Variants in SMG9 observed in about 807,000 individuals in gnomAD.
The protein encoded by SMG9 is nonsense-mediated mRNA decay factor SMG9.
SMG9 carries 55 observed loss-of-function variants against 64.0 expected under a neutral mutation model. That is an observed-to-expected ratio of 0.86 (90% CI 0.69 to 1.08). The LOEUF (loss-of-function observed/expected upper bound fraction) is 1.08. Ranked by LOEUF, SMG9 falls within the 50% of genes least tolerant of loss-of-function variation. SMG9 has a pLI of 0.00. For missense variants in SMG9, 554 were observed against 681.3 expected (o/e 0.81, Z 2.08); for synonymous variants, 244 against 254.8 (o/e 0.96, Z 0.41).
intron 1 of SMG9, among the ~76,000 whole-genome samples, chr19:43,753,712 C>T (rs1270184527): frequency 6.6e-6 from 1 of 151,948 alleles, no homozygotes; most frequent in Non-Finnish European, 1.5e-5. Flanking sequence ...TCGCCAGCCT[C>T]GGTCTCCCAA....
chr19:43,728,989 CAGCAGTATATCT>C lies in SMG9; in HGVS notation c.*2595_*2606del. On this transcript the variant is annotated 3_prime_UTR_variant, in exon 14 of 14. Transcript: ENST00000270066. The stretch of plus-strand genomic sequence containing the variant: ...CATCCTAGAGCAGAAGGCCTCCCTG[CAGCAGTATATCT>C]AGCTGGTGTCCACAGTGGCCTGCTG... 1.0e-6 allele frequency: 1 copy of C among 985,568 alleles called. No homozygotes were observed. The highest frequency in any genetic ancestry group is 1.2e-6 in the Non-Finnish European group (1 of 830,016). 61.1% of individuals were successfully genotyped at this position (985,568 alleles called of 1,614,324 possible).
intron 7 of SMG9, among the ~76,000 whole-genome samples, chr19:43,738,987 A>C (rs385602): frequency 0.02 from 3,011 of 152,314 alleles, 98 homozygotes; most frequent in African/African-American, 0.069. Flanking sequence ...ACTCTGTTCC[A>C]CCAACTATGA....
chr19:43,750,542 C>CGTGGA, intron 2 of SMG9, 50 bp downstream of exon 2: 1 of 1,560,292 alleles, frequency 6.4e-7, no homozygotes, highest in South Asian at 1.2e-5. Context: ...ATGGCAGGTG[C>CGTGGA]GTGGAACCAA....
rs1246351127 is a variant in SMG9 at position 43,733,642 on chromosome 19, GGA to G, written c.1192_1193del (p.Ser398ProfsTer22). On this transcript the variant is annotated frameshift_variant, in exon 11 of 14. Transcript: ENST00000270066. LOFTEE classifies it high-confidence loss of function. ...AACCCTTACCCTTGTAACGCAGGTG[GGA>G]GTGGGCCATGAGCTGGTCAATCATC... ...HLMIDQLMAHSHLRYKGTLSM... is the reference protein window; with the variant it reads ...HLMIDQLMAHXHLRYKGTLSM... 1 of 1,613,966 alleles carries G rather than the reference GGA, an allele frequency of 6.2e-7. No individual in the cohort carries two copies. Among genetic ancestry groups the G allele is most frequent in the African/African-American group, 1.3e-5 (1 of 74,884 alleles).
chr19:43,751,987 G>A (rs1217852027), intron 1 of SMG9, among the ~76,000 whole-genome samples: 1 of 152,136 alleles, frequency 6.6e-6, no homozygotes, highest in Non-Finnish European at 1.5e-5. Flanking sequence ...ATGCAGCAAG[G>A]CATTTGCTTA....
chr19:43,732,641 G>C (rs1227125828), intron 13 of SMG9: 1 of 594,570 alleles, frequency 1.7e-6, no homozygotes, highest in Non-Finnish European at 2.9e-6. Context: ...CCTACATGAT[G>C]CTGGCTGATT....
chr19:43,750,213 A>C (rs771072882), intron 2 of SMG9: 15 of 527,836 alleles, frequency 2.8e-5, no homozygotes, highest in Non-Finnish European at 4.5e-5. Context: ...TTCATCTCCT[A>C]TCTCTCTCCC....
rs767264137 is a variant in SMG9, at chr19:43,738,268, GC to G, written c.814-52del. 5.3e-6 allele frequency: 8 copies of G among 1,501,622 alleles called. No homozygotes were observed. In the Admixed American group the frequency reaches 1.3e-4, roughly 25 times the overall value. The allele number at this position is 1,501,622 out of a possible 1,614,324, so 93.0% of individuals were successfully genotyped here. On this transcript the variant is annotated intron_variant, in intron 7 of 13. Coordinates refer to ENST00000270066, the MANE Select transcript of SMG9 (RefSeq NM_019108.4). ...TCACTCAGATACCCAAGTTTCACAC[GC>G]TCAAGGCAAATACATTGTCTATCTC... is the stretch of plus-strand genomic sequence containing the variant.
At chr19:43,753,458 CTTTTTTTTTTTTT>C (rs745479932) in intron 1 of SMG9, among the ~76,000 whole-genome samples, 1 of 118,622 alleles carries the variant, frequency 8.4e-6, no homozygotes, top group African/African-American at 3.1e-5. Context: ...GAATGCTTTT[CTTTTTTTTTTTTT>C]TTTTTTTTTG....
chr19:43,748,187 A>T, intron 2 of SMG9, 135 bp from the exon 3 acceptor site: 1 of 1,052,880 alleles, frequency 9.5e-7, no homozygotes, highest in Non-Finnish European at 1.3e-6. Context: ...GATAGATACT[A>T]TTATTACCCC....
chr19:43,732,776 C>T (rs1600188832), intron 13 of SMG9, 82 bp downstream of exon 13: 1 of 1,551,368 alleles, frequency 6.4e-7, no homozygotes, highest in Non-Finnish European at 8.8e-7. Context: ...TTCACAAGGT[C>T]ATGCCGATCT....
At chr19:43,733,033 G>A (rs1468214730) in intron 12 of SMG9, 31 bp from the exon 13 acceptor site, 1 of 1,578,992 alleles carries the variant, frequency 6.3e-7, no homozygotes, top group South Asian at 1.2e-5. Context: ...GGGTAAGAGG[G>A]ATAGACTGCC....
intron 6 of SMG9, among the ~76,000 whole-genome samples, chr19:43,742,061 T>C (rs1600202386): frequency 1.3e-5 from 2 of 152,206 alleles, no homozygotes; most frequent in South Asian, 2.1e-4. Context: ...GGCAGGAGAA[T>C]TGCCTAAACC....
intron 6 of SMG9, among the ~76,000 whole-genome samples, chr19:43,743,209 G>A (rs1182397772): frequency 6.6e-6 from 1 of 152,180 alleles, no homozygotes; most frequent in Non-Finnish European, 1.5e-5. Flanking sequence ...CCTACCTCAG[G>A]AATCTGAACT....
chr19:43,751,300 ATTT>A (rs562855536), intron 1 of SMG9, among the ~76,000 whole-genome samples: 1 of 133,508 alleles, frequency 7.5e-6, no homozygotes, highest in Admixed American at 7.6e-5. Context: ...CACCCGACTA[ATTT>A]TTTTTGTATT....
At chr19:43,748,121 A>G in intron 2 of SMG9, 69 bp from the exon 3 acceptor site, 1 of 1,519,132 alleles carries the variant, frequency 6.6e-7, no homozygotes, top group Non-Finnish European at 8.8e-7. Flanking sequence ...TGTACCATGA[A>G]CTATTCTAAA....
Position 43,738,172 on chromosome 19 carries a change from G to A in SMG9, c.859C>T (p.Arg287Cys), listed in dbSNP as rs1341902242. The A allele has an allele frequency of 1.2e-5, 19 of 1,613,926 alleles. No homozygotes were observed. The Admixed American group carries it at 3.0e-4, about 25-fold the overall frequency. Residue 287 changes from arginine to cysteine, a missense_variant, in exon 8 of 14, where the codon CGC becomes TGC. Transcript: ENST00000270066. ...AGGTTGTACTCTGGAGGCAGTTTGCGGTCATTATTGATGAGATGGTCTAGG... is the reference window on the plus strand; with the variant it reads ...AGGTTGTACTCTGGAGGCAGTTTGCAGTCATTATTGATGAGATGGTCTAGG... Reference protein sequence around the residue: ...SILDHLINNDRKLPPEYNLPH... With the variant: ...SILDHLINNDCKLPPEYNLPH...
rs772939805 is a variant in SMG9, at chr19:43,733,364, G to A, written c.1299C>T (p.Phe433=). The A allele has an allele frequency of 1.2e-6, 2 of 1,614,004 alleles. No homozygotes were observed. The highest frequency in any genetic ancestry group is 1.7e-5 in the Admixed American group (1 of 60,004). Reference sequence around the variant, plus strand: ...TTTCACTCTCTGCTTCACTGTCCATGAAGGGTACCAGGAATAAGTTGACCT... The same window carrying A: ...TTTCACTCTCTGCTTCACTGTCCATAAAGGGTACCAGGAATAAGTTGACCT... The part of the protein sequence containing the change: ...DSEVNLFLVP[F]MDSEAESENP... Residue 433 remains phenylalanine, a synonymous_variant, in exon 12 of 14, where the codon TTC becomes TTT. Coordinates refer to ENST00000270066, the MANE Select transcript of SMG9 (RefSeq NM_019108.4).
At chr19:43,748,309 G>C (rs149862469) in intron 2 of SMG9, among the ~76,000 whole-genome samples, 16 of 152,368 alleles carry the variant, frequency 1.1e-4, no homozygotes, top group African/African-American at 3.6e-4. Context: ...CTGCTCAGCT[G>C]CCTCTGCGAG....
Sources: allele counts gnomAD v4.1 joint callset (sites outside exome capture counted in the v4.1 genomes callset), GRCh38; gene constraint gnomAD v4.1.1; transcripts MANE v1.5; gene names NCBI Gene and HGNC (gene_info 2026-07-23, HGNC 2026-07-21).